The following ENTREP2 variants were observed in gnomAD, a reference collection of about 807,000 sequenced individuals.
ENTREP2 encodes endosomal transmembrane epsin interactor 2.
chr15:29,283,308 A>C, the ENTREP2 span, among the ~76,000 whole-genome samples: 2 of 152,178 alleles, frequency 1.3e-5, no homozygotes, highest in East Asian at 3.9e-4. Context: ...TTGCCAGTGC[A>C]ACTGCGGAGG....
the ENTREP2 span, among the ~76,000 whole-genome samples, chr15:29,460,533 G>A: frequency 6.6e-6 from 1 of 152,010 alleles, no homozygotes; most frequent in South Asian, 2.1e-4. Context: ...TTGGGAGGCT[G>A]AGGCAGGAGA....
chr15:29,132,947 C>T, the ENTREP2 span, among the ~76,000 whole-genome samples: 1 of 152,284 alleles, frequency 6.6e-6, no homozygotes. Flanking sequence ...GGTCACTGAG[C>T]AGAGGCGGTG....
At chr15:29,624,298 TTC>T in the ENTREP2 span, among the ~76,000 whole-genome samples, 1 of 152,122 alleles carries the variant, frequency 6.6e-6, no homozygotes, top group Non-Finnish European at 1.5e-5. Flanking sequence ...ATCTCTTTCC[TTC>T]TGTCTCCCAA....
the ENTREP2 span, among the ~76,000 whole-genome samples, chr15:29,219,418 C>T: frequency 1.3e-5 from 2 of 151,624 alleles, no homozygotes; most frequent in African/African-American, 4.9e-5. Flanking sequence ...GTGGAGCTTC[C>T]TTAAAGAAGT....
chr15:29,674,719 A>G, the ENTREP2 span, among the ~76,000 whole-genome samples: 5 of 135,932 alleles, frequency 3.7e-5, no homozygotes, highest in African/African-American at 1.4e-4. Flanking sequence ...GGGCGGAGGG[A>G]AGGAGGGGGT....
the ENTREP2 span, among the ~76,000 whole-genome samples, chr15:29,223,458 TG>T: frequency 6.6e-6 from 1 of 152,202 alleles, no homozygotes; most frequent in Non-Finnish European, 1.5e-5. Flanking sequence ...TATCTGCACC[TG>T]TGAGCCTGTT....
At chr15:29,370,937 C>A in the ENTREP2 span, among the ~76,000 whole-genome samples, 5 of 152,086 alleles carry the variant, frequency 3.3e-5, no homozygotes, top group South Asian at 2.1e-4. Context: ...AAAAAACTAT[C>A]CCAGTAATGT....
At chr15:29,159,262 C>G in the ENTREP2 span, among the ~76,000 whole-genome samples, 1 of 151,874 alleles carries the variant, frequency 6.6e-6, no homozygotes, top group Non-Finnish European at 1.5e-5. Flanking sequence ...CTTAAGGCGG[C>G]GTGTCTGAAG....
chr15:29,672,900 C>T, the ENTREP2 span, among the ~76,000 whole-genome samples: 2 of 152,106 alleles, frequency 1.3e-5, no homozygotes, highest in African/African-American at 4.8e-5. Context: ...GCAAGTCCAT[C>T]AAGTTGGTGA....
At chr15:29,460,677 C>T in the ENTREP2 span, among the ~76,000 whole-genome samples, 190 of 152,250 alleles carry the variant, frequency 1.2e-3, 1 homozygote, top group South Asian at 0.015. Context: ...ATTCTTAAAT[C>T]ATCACATCTA....
the ENTREP2 span, chr15:29,610,677 A>T: frequency 6.7e-6 from 1 of 149,872 alleles, no homozygotes; most frequent in African/African-American, 2.4e-5. Context: ...CATGGCAAAG[A>T]TCTCCATTTG....
the ENTREP2 span, among the ~76,000 whole-genome samples, chr15:29,424,089 C>T: frequency 6.6e-6 from 1 of 152,264 alleles, no homozygotes; most frequent in East Asian, 1.9e-4. Flanking sequence ...TTTTTCCTTC[C>T]CACGGGTTTG....
At chr15:29,611,867 G>C in the ENTREP2 span, among the ~76,000 whole-genome samples, 3 of 152,064 alleles carry the variant, frequency 2.0e-5, no homozygotes, top group African/African-American at 7.2e-5. Flanking sequence ...AGCTTATTTC[G>C]TTGCCTTTAA....
chr15:29,482,374 T>C, the ENTREP2 span, among the ~76,000 whole-genome samples: 2 of 152,150 alleles, frequency 1.3e-5, no homozygotes, highest in Admixed American at 6.5e-5. Flanking sequence ...GTCCATGGTA[T>C]ACATTAGGGT....
the ENTREP2 span, among the ~76,000 whole-genome samples, chr15:29,241,499 G>A: frequency 6.6e-6 from 1 of 152,156 alleles, no homozygotes; most frequent in Non-Finnish European, 1.5e-5. Context: ...AGAGAGGAGG[G>A]AGACTTTGTT....
chr15:29,634,963 GC>G, the ENTREP2 span, among the ~76,000 whole-genome samples: 3 of 152,132 alleles, frequency 2.0e-5, no homozygotes, highest in South Asian at 4.1e-4. Flanking sequence ...CTGCCATCCA[GC>G]CTCCCGAGTA....
chr15:29,489,786 G>A, the ENTREP2 span, among the ~76,000 whole-genome samples: 3 of 152,108 alleles, frequency 2.0e-5, no homozygotes, highest in Non-Finnish European at 2.9e-5. Context: ...AGGCACATTT[G>A]CACGTCTGGG....
At chr15:29,213,194 C>G in the ENTREP2 span, among the ~76,000 whole-genome samples, 1 of 152,108 alleles carries the variant, frequency 6.6e-6, no homozygotes, top group Admixed American at 6.5e-5. Context: ...GTTACTGTAG[C>G]CTTGTAGTAT....
At chr15:29,212,498 A>G in the ENTREP2 span, among the ~76,000 whole-genome samples, 2 of 150,984 alleles carry the variant, frequency 1.3e-5, no homozygotes, top group African/African-American at 4.9e-5. Flanking sequence ...CATCTTGGTT[A>G]TTTCCTTTCT....
Sources: allele counts gnomAD v4.1 joint callset (sites outside exome capture counted in the v4.1 genomes callset), GRCh38; gene constraint gnomAD v4.1.1; transcripts MANE v1.5; gene names NCBI Gene and HGNC (gene_info 2026-07-23, HGNC 2026-07-21).